FBXL7: variants seen among roughly 807,000 people sequenced by gnomAD.
The protein encoded by FBXL7 is F-box/LRR-repeat protein 7.
Under a neutral mutation model 38.3 loss-of-function variants are expected in FBXL7, and 12 were observed. That is an observed-to-expected ratio of 0.31 (90% CI 0.20 to 0.51). The LOEUF (loss-of-function observed/expected upper bound fraction) is 0.51, where lower values mean the gene tolerates loss of function less well. FBXL7 is among the 20% of genes least tolerant of loss of function. The probability of loss-of-function intolerance (pLI) is 0.98; values close to 1 mark genes in which losing one functional copy is unlikely to be tolerated. For missense variants in FBXL7, 567 were observed against 676.4 expected (o/e 0.84, Z 1.79); for synonymous variants, 297 against 300.9 (o/e 0.99, Z 0.13).
chr5:15,692,012 C>T (rs555761700), intron 2 of FBXL7, among the ~76,000 whole-genome samples: 40 of 152,110 alleles, frequency 2.6e-4, no homozygotes, highest in Middle Eastern at 3.4e-3. Flanking sequence ...GGGAATGTGC[C>T]GTGGCTGAGC....
intron 1 of FBXL7, among the ~76,000 whole-genome samples, chr5:15,615,467 A>G (rs1010061214): frequency 6.6e-6 from 1 of 152,210 alleles, no homozygotes; most frequent in South Asian, 2.1e-4. Context: ...GCTGCATTCG[A>G]AAAATGAAAT....
Position 15,816,042 on chromosome 5 carries a change from T to A in FBXL7, c.128-111848T>A, listed in dbSNP as rs149960721. On this transcript the variant is annotated intron_variant, in intron 2 of 3. Transcript: ENST00000504595. ...GTTTGGCTGCTCAAAAATAAATTATTATAATACAAGTTATTATCATTTCTT... is the reference window on the plus strand; with the variant it reads ...GTTTGGCTGCTCAAAAATAAATTATAATAATACAAGTTATTATCATTTCTT... Among the ~76,000 whole-genome samples, 1,042 of 152,290 alleles carry A rather than the reference T, an allele frequency of 6.8e-3. 10 individuals carry two copies. The highest frequency in any genetic ancestry group is 0.024 in the African/African-American group (991 of 41,564).
intron 1 of FBXL7, among the ~76,000 whole-genome samples, chr5:15,592,944 C>T (rs1739525186): frequency 1.3e-5 from 2 of 152,154 alleles, no homozygotes; most frequent in African/African-American, 4.8e-5. Context: ...GCGTATCACA[C>T]ACAAGGGAAG....
intron 2 of FBXL7, among the ~76,000 whole-genome samples, chr5:15,724,500 A>C (rs1164315358): frequency 6.6e-6 from 1 of 152,168 alleles, no homozygotes; most frequent in African/African-American, 2.4e-5. Flanking sequence ...ATTTTGGTCA[A>C]ACCCTCCCTG....
intron 2 of FBXL7, among the ~76,000 whole-genome samples, chr5:15,735,258 C>T (rs1478133140): frequency 6.6e-6 from 1 of 152,084 alleles, no homozygotes; most frequent in Non-Finnish European, 1.5e-5. Context: ...TCTAGGTATT[C>T]TATAAAGGAT....
intron 2 of FBXL7, among the ~76,000 whole-genome samples, chr5:15,773,088 G>T (rs914570532): frequency 1.3e-5 from 2 of 151,994 alleles, no homozygotes; most frequent in South Asian, 2.1e-4. Context: ...TAGAGGCAAG[G>T]TCTTGCTATG....
chr5:15,823,429 A>G (rs1285194660), intron 2 of FBXL7, among the ~76,000 whole-genome samples: 11 of 152,226 alleles, frequency 7.2e-5, no homozygotes, highest in Non-Finnish European at 1.5e-4. Context: ...AATCTCACAC[A>G]TATTTCCTAG....
At chr5:15,737,850 A>G (rs1268818993) in intron 2 of FBXL7, among the ~76,000 whole-genome samples, 3 of 152,188 alleles carry the variant, frequency 2.0e-5, no homozygotes, top group Admixed American at 2.0e-4. Flanking sequence ...TGTAATTACC[A>G]AAGCATCCTG....
chr5:15,563,214 C>T (rs1287294382), intron 1 of FBXL7, among the ~76,000 whole-genome samples: 1 of 152,074 alleles, frequency 6.6e-6, no homozygotes, highest in Non-Finnish European at 1.5e-5. Context: ...TTCCTCTTTG[C>T]ATCTTCAGTA....
At chr5:15,886,287 G>T (rs1184876824) in intron 2 of FBXL7, among the ~76,000 whole-genome samples, 3 of 152,082 alleles carry the variant, frequency 2.0e-5, no homozygotes, top group African/African-American at 7.2e-5. Context: ...GTGTGTGTCT[G>T]TGTGTATGCA....
intron 2 of FBXL7, among the ~76,000 whole-genome samples, chr5:15,744,499 A>G (rs558318082): frequency 1.1e-4 from 16 of 152,166 alleles, no homozygotes; most frequent in Non-Finnish European, 2.4e-4. Context: ...AGTCTCTAGG[A>G]AGTTTCAAAC....
intron 1 of FBXL7, among the ~76,000 whole-genome samples, chr5:15,526,122 G>A (rs1018439862): frequency 5.9e-5 from 9 of 152,268 alleles, no homozygotes; most frequent in Admixed American, 4.6e-4. Flanking sequence ...TGCGAGGGGA[G>A]CCTGGGTTTT....
Position 15,792,543 on chromosome 5 carries a change from A to T in FBXL7, c.128-135347A>T, listed in dbSNP as rs142625356. On this transcript the variant is annotated intron_variant, in intron 2 of 3. Coordinates refer to ENST00000504595, the MANE Select transcript of FBXL7 (RefSeq NM_012304.5). ...TATTTTCATTCCCCGGGATTTAAAC[A>T]GTGTGATGAAATACCTAAAAGCAGT... Among the ~76,000 whole-genome samples, 7 of 152,322 alleles carry T rather than the reference A, an allele frequency of 4.6e-5. No individual in the cohort carries two copies. The East Asian group carries it at 1.4e-3, about 29-fold the overall frequency.
At chr5:15,673,244 A>G (rs1245608094) in intron 2 of FBXL7, among the ~76,000 whole-genome samples, 1 of 149,250 alleles carries the variant, frequency 6.7e-6, no homozygotes, top group Non-Finnish European at 1.5e-5. Flanking sequence ...TGAACCTGGG[A>G]GCCAGAGGTT....
chr5:15,581,430 A>G (rs1580383843), intron 1 of FBXL7, among the ~76,000 whole-genome samples: 1 of 152,118 alleles, frequency 6.6e-6, no homozygotes, highest in East Asian at 1.9e-4. Context: ...TGCTGCCGCC[A>G]TACAGTGCTA....
intron 2 of FBXL7, among the ~76,000 whole-genome samples, chr5:15,780,156 A>G (rs1368162868): frequency 6.6e-6 from 1 of 152,168 alleles, no homozygotes; most frequent in African/African-American, 2.4e-5. Context: ...GGCTGTGTCT[A>G]TATATTTTTT....
In FBXL7 at chr5:15,713,834, A is replaced by G. The variant is rs1329599848; in HGVS notation, c.127+97762A>G. Reference sequence around the variant, plus strand: ...GAGAAAGAAGAATTAGGAAATGTGGAGAAAGTTTGGTGGATGATAAAAAGT... The same window carrying G: ...GAGAAAGAAGAATTAGGAAATGTGGGGAAAGTTTGGTGGATGATAAAAAGT... On this transcript the variant is annotated intron_variant, in intron 2 of 3. Coordinates refer to ENST00000504595, the MANE Select transcript of FBXL7 (RefSeq NM_012304.5). Among the ~76,000 whole-genome samples, 13 of 152,358 alleles carry G rather than the reference A, an allele frequency of 8.5e-5. No individual in the cohort carries two copies. In the East Asian group the frequency reaches 1.5e-3, roughly 18 times the overall value.
At chr5:15,709,205 T>G (rs919130978) in intron 2 of FBXL7, among the ~76,000 whole-genome samples, 4 of 152,122 alleles carry the variant, frequency 2.6e-5, no homozygotes, top group African/African-American at 9.7e-5. Flanking sequence ...TACAGTCTAG[T>G]TGAGAAGTTA....
At chr5:15,639,611 G>A (rs1358593641) in intron 2 of FBXL7, among the ~76,000 whole-genome samples, 5 of 151,962 alleles carry the variant, frequency 3.3e-5, no homozygotes, top group Non-Finnish European at 5.9e-5. Context: ...TTTATTAGCA[G>A]TGTGAAAACA....
Sources: allele counts gnomAD v4.1 joint callset (sites outside exome capture counted in the v4.1 genomes callset), GRCh38; gene constraint gnomAD v4.1.1; transcripts MANE v1.5; gene names NCBI Gene and HGNC (gene_info 2026-07-23, HGNC 2026-07-21).